IGSF21: variants seen among roughly 807,000 people sequenced by gnomAD.
The protein encoded by IGSF21 is immunoglobin superfamily member 21, also known as immunoglobulin superfamily member 21.
In IGSF21, 28 loss-of-function variants were observed where a neutral mutation model predicts 46.8. The observed-to-expected ratio is 0.60, with a 90% CI of 0.44 to 0.82. The LOEUF (loss-of-function observed/expected upper bound fraction) is 0.82. Among genes scored for constraint, IGSF21 ranks in the 40% least tolerant of loss-of-function variants. IGSF21 has a pLI of 0.00. For synonymous variants in IGSF21, 284 were observed against 273.6 expected, an observed-to-expected ratio of 1.04 and a Z score of -0.38; for missense variants, 624 against 665.5, an observed-to-expected ratio of 0.94 and a Z score of 0.69.
At chr1:18,223,426 A>T (rs1204379209) in intron 1 of IGSF21, among the ~76,000 whole-genome samples, 1 of 152,194 alleles carries the variant, frequency 6.6e-6, no homozygotes, top group African/African-American at 2.4e-5. Context: ...AAGAAGTGGT[A>T]GAAAGAAGTT....
intron 2 of IGSF21, among the ~76,000 whole-genome samples, chr1:18,283,356 A>G (rs1304153955): frequency 6.6e-6 from 1 of 152,162 alleles, no homozygotes; most frequent in African/African-American, 2.4e-5. Flanking sequence ...ACCTGACATG[A>G]GGATTTTCTG....
intron 2 of IGSF21, among the ~76,000 whole-genome samples, chr1:18,249,839 G>C (rs540473417): frequency 1.3e-5 from 2 of 152,202 alleles, no homozygotes; most frequent in Non-Finnish European, 2.9e-5. Flanking sequence ...CTGCACCCCA[G>C]GCCCTGGCTC....
At chr1:18,333,601 C>T (rs2085736531) in intron 3 of IGSF21, among the ~76,000 whole-genome samples, 1 of 152,182 alleles carries the variant, frequency 6.6e-6, no homozygotes, top group Non-Finnish European at 1.5e-5. Context: ...CTGACTTAGC[C>T]AAGGTCCCAT....
chr1:18,322,292 A>G lies in IGSF21; in HGVS notation c.306-12600A>G, dbSNP rs2124595148. 7.0e-6 allele frequency among the ~76,000 whole-genome samples: 1 copy of G among 143,428 alleles called. No homozygotes were observed. Among genetic ancestry groups the G allele is most frequent in the South Asian group, 2.2e-4 (1 of 4,582 alleles). The allele number at this position is 143,428 out of a possible 152,430, so 94.1% of individuals were successfully genotyped here. A position where few individuals can be genotyped will look rare whatever the true frequency, so the allele number is the denominator to read the frequency against. ...GTAGGGGCACAGCCATGTTCATTGAAAAAAGATCATAGAAACAACAGGTTG... is the reference window on the plus strand; with the variant it reads ...GTAGGGGCACAGCCATGTTCATTGAGAAAAGATCATAGAAACAACAGGTTG... On this transcript the variant is annotated intron_variant, in intron 3 of 9. Transcript: ENST00000251296. The surrounding 1 kb of genome is among the most constrained non-coding windows in gnomAD (Gnocchi z 4.3).
intron 2 of IGSF21, 64 bp downstream of exon 2, chr1:18,228,074 C>A: frequency 3.2e-6 from 4 of 1,238,650 alleles, no homozygotes; most frequent in Non-Finnish European, 4.8e-6. Context: ...CCTCAGAGCC[C>A]TCTGGACACC....
Position 18,334,238 on chromosome 1 carries a change from T to C in IGSF21, c.306-654T>C, listed in dbSNP as rs956946368. 3.3e-5 allele frequency among the ~76,000 whole-genome samples: 5 copies of C among 152,296 alleles called. No individual in the cohort carries two copies. The East Asian group carries it at 9.7e-4, about 29-fold the overall frequency. ...GCTCAGATAAGCTCACGCTTTTCCA[T>C]GTGAGTGTGGAACCCAGATCAGCTT... On this transcript the variant is annotated intron_variant, in intron 3 of 9. Coordinates refer to ENST00000251296, the MANE Select transcript of IGSF21 (RefSeq NM_032880.5). This position sits in a 1 kb window ranked among gnomAD's most constrained non-coding sequence, Gnocchi z 4.3.
intron 1 of IGSF21, among the ~76,000 whole-genome samples, chr1:18,164,363 T>C (rs995408124): frequency 1.2e-4 from 18 of 151,928 alleles, no homozygotes; most frequent in African/African-American, 3.9e-4. Context: ...TTCATTCTTC[T>C]CCTTACCTCC....
intron 1 of IGSF21, among the ~76,000 whole-genome samples, chr1:18,130,341 G>A (rs542032137): frequency 6.6e-6 from 1 of 152,188 alleles, no homozygotes; most frequent in African/African-American, 2.4e-5. Context: ...CTGGGAGGAA[G>A]AGAAAAGACA....
intron 2 of IGSF21, among the ~76,000 whole-genome samples, chr1:18,237,386 C>A (rs2084683172): frequency 6.6e-6 from 1 of 152,134 alleles, no homozygotes; most frequent in South Asian, 2.1e-4. Context: ...GTCCAGTTGC[C>A]CATCATCAAG....
At chr1:18,141,359 A>G (rs901146125) in intron 1 of IGSF21, among the ~76,000 whole-genome samples, 3 of 152,196 alleles carry the variant, frequency 2.0e-5, no homozygotes, top group African/African-American at 4.8e-5. Flanking sequence ...ATGATGAAAA[A>G]GAGATAGGTT....
intron 2 of IGSF21, among the ~76,000 whole-genome samples, chr1:18,246,111 A>G (rs536364637): frequency 1.3e-5 from 2 of 152,146 alleles, no homozygotes; most frequent in African/African-American, 4.8e-5. Context: ...TGAAAGTCCC[A>G]GTTATATTTT....
At chr1:18,358,009 G>A (rs759550161) in intron 4 of IGSF21, among the ~76,000 whole-genome samples, 10 of 152,058 alleles carry the variant, frequency 6.6e-5, no homozygotes, top group East Asian at 5.8e-4. Context: ...TGGGTGGTGC[G>A]TGTGACTTAG....
At chr1:18,118,093 G>A (rs945807128) in intron 1 of IGSF21, among the ~76,000 whole-genome samples, 2 of 152,192 alleles carry the variant, frequency 1.3e-5, no homozygotes, top group Non-Finnish European at 2.9e-5. Flanking sequence ...TCACAGGACA[G>A]CTTGGGAGTC....
At chr1:18,235,831 G>A (rs1239179604) in intron 2 of IGSF21, among the ~76,000 whole-genome samples, 1 of 152,194 alleles carries the variant, frequency 6.6e-6, no homozygotes, top group African/African-American at 2.4e-5. Flanking sequence ...GTGAGAAACT[G>A]GCAGCAGAGG....
chr1:18,161,319 C>T (rs72944412), intron 1 of IGSF21, among the ~76,000 whole-genome samples: 2,515 of 152,144 alleles, frequency 0.017, 66 homozygotes, highest in African/African-American at 0.058. Context: ...ATCCCCATGC[C>T]GCAGAGGAGC....
chr1:18,329,783 G>C (rs899216695), intron 3 of IGSF21, among the ~76,000 whole-genome samples: 8 of 152,168 alleles, frequency 5.3e-5, no homozygotes, highest in Admixed American at 6.5e-5. Flanking sequence ...CTCAGTTTAG[G>C]GCATGGCATA....
At chr1:18,313,115 G>A (rs2085505048) in intron 3 of IGSF21, among the ~76,000 whole-genome samples, 1 of 152,166 alleles carries the variant, frequency 6.6e-6, no homozygotes, top group Admixed American at 6.5e-5. Context: ...GACCCGCCGG[G>A]TACCGTGCAT....
At chr1:18,274,632 T>G (rs1391918557) in intron 2 of IGSF21, among the ~76,000 whole-genome samples, 1 of 152,236 alleles carries the variant, frequency 6.6e-6, no homozygotes, top group Non-Finnish European at 1.5e-5. Flanking sequence ...CTGCAAATCC[T>G]AAAATATTCT....
At chr1:18,270,958 A>AT (rs1367283513) in intron 2 of IGSF21, among the ~76,000 whole-genome samples, 1 of 152,190 alleles carries the variant, frequency 6.6e-6, no homozygotes, top group Non-Finnish European at 1.5e-5. Flanking sequence ...CGTGCAAGTA[A>AT]TTTTCAGGCT....
Sources: allele counts gnomAD v4.1 joint callset (sites outside exome capture counted in the v4.1 genomes callset), GRCh38; gene constraint gnomAD v4.1.1; non-coding constraint Gnocchi (gnomAD v3.1); transcripts MANE v1.5; gene names NCBI Gene and HGNC (gene_info 2026-07-23, HGNC 2026-07-21).